The following EEPD1 variants were observed in gnomAD, a reference collection of about 807,000 sequenced individuals.
EEPD1 encodes the protein endonuclease/exonuclease/phosphatase family domain containing 1.
In EEPD1, 17 loss-of-function variants were observed where a neutral mutation model predicts 46.3. That is an observed-to-expected ratio of 0.37 (90% CI 0.25 to 0.55). The LOEUF is 0.55. Ranked by LOEUF, EEPD1 falls within the 20% of genes least tolerant of loss-of-function variation. The pLI is 0.83. For synonymous variants in EEPD1, 313 were observed against 315.6 expected (o/e 0.99, Z 0.09); for missense variants, 673 against 745.6 (o/e 0.90, Z 1.13).
At chr7:36,252,829 CTTTTTTTTTTTTTT>C (rs71553053) in intron 3 of EEPD1, among the ~76,000 whole-genome samples, 4 of 54,850 alleles carry the variant, frequency 7.3e-5, no homozygotes, top group African/African-American at 1.5e-4. Flanking sequence ...GTGTTCTCTC[CTTTTTTTTTTTTTT>C]TTTTTTTTTT....
At chr7:36,261,507 A>G (rs1786925117) in intron 3 of EEPD1, among the ~76,000 whole-genome samples, 1 of 152,234 alleles carries the variant, frequency 6.6e-6, no homozygotes, top group Admixed American at 6.5e-5. Flanking sequence ...CAGGAGTTAC[A>G]TGCAATTTCC....
chr7:36,254,369 A>G (rs1182013356), intron 3 of EEPD1, among the ~76,000 whole-genome samples: 1 of 152,120 alleles, frequency 6.6e-6, no homozygotes, highest in Non-Finnish European at 1.5e-5. Context: ...ACGAGTGAAA[A>G]CATGCAGTGT....
At chr7:36,191,246 A>AG (rs1407959135) in intron 2 of EEPD1, among the ~76,000 whole-genome samples, 1 of 152,208 alleles carries the variant, frequency 6.6e-6, no homozygotes, top group Non-Finnish European at 1.5e-5. Flanking sequence ...AAATGACAAG[A>AG]GGGAGTAAAT....
chr7:36,247,840 G>T (rs1030004635), intron 3 of EEPD1, among the ~76,000 whole-genome samples: 1 of 152,372 alleles, frequency 6.6e-6, no homozygotes, highest in East Asian at 1.9e-4. Flanking sequence ...CATAGGATCA[G>T]TCCTGGCCCA....
intron 3 of EEPD1, among the ~76,000 whole-genome samples, chr7:36,271,283 CT>C (rs757176552): frequency 6.6e-6 from 1 of 152,056 alleles, no homozygotes; most frequent in African/African-American, 2.4e-5. Context: ...TATTTCCTGA[CT>C]TTTTAATGAT....
At chr7:36,293,445 C>G (rs1211256280) in intron 6 of EEPD1, among the ~76,000 whole-genome samples, 2 of 152,194 alleles carry the variant, frequency 1.3e-5, no homozygotes, top group East Asian at 3.9e-4. Context: ...GACCAGGCCA[C>G]CGGAGATGCT....
intron 3 of EEPD1, among the ~76,000 whole-genome samples, chr7:36,257,281 A>G (rs1458729827): frequency 2.7e-5 from 4 of 150,058 alleles, no homozygotes; most frequent in African/African-American, 9.9e-5. Context: ...GCATTAGTGA[A>G]TCTGATGATT....
At chr7:36,178,109 G>A (rs554714483) in intron 2 of EEPD1, among the ~76,000 whole-genome samples, 1 of 152,296 alleles carries the variant, frequency 6.6e-6, no homozygotes, top group South Asian at 2.1e-4. Context: ...CTTCTTCCCT[G>A]GAAAATGGAG....
intron 2 of EEPD1, among the ~76,000 whole-genome samples, chr7:36,201,165 GT>G (rs1785706008): frequency 6.6e-6 from 1 of 152,174 alleles, no homozygotes. Flanking sequence ...ATATTCTGAA[GT>G]TATGGAAGAC....
Position 36,289,639 on chromosome 7 carries a change from C to T in EEPD1, c.1315+1862C>T, listed in dbSNP as rs1309237626. ...CCTCCCGAGTAGCTGGGACTATAGG[C>T]GCCCGCCACCGCGCCTGGCTAATTT... On this transcript the variant is annotated intron_variant, in intron 6 of 7. Transcript: ENST00000242108. 3.3e-5 allele frequency among the ~76,000 whole-genome samples: 5 copies of T among 152,210 alleles called. No individual in the cohort carries two copies. The South Asian group carries it at 6.2e-4, about 19-fold the overall frequency.
intron 2 of EEPD1, among the ~76,000 whole-genome samples, chr7:36,194,954 C>A (rs1785550786): frequency 6.6e-6 from 1 of 152,222 alleles, no homozygotes; most frequent in African/African-American, 2.4e-5. Flanking sequence ...AAATCTTTCT[C>A]TTTGCAACTG....
intron 3 of EEPD1, among the ~76,000 whole-genome samples, chr7:36,262,325 C>T (rs1452806995): frequency 6.6e-6 from 1 of 152,080 alleles, no homozygotes; most frequent in East Asian, 1.9e-4. Context: ...ATAGGATCTA[C>T]AGCAACCTCA....
At chr7:36,188,499 G>A (rs1785404877) in intron 2 of EEPD1, among the ~76,000 whole-genome samples, 1 of 152,188 alleles carries the variant, frequency 6.6e-6, no homozygotes, top group Non-Finnish European at 1.5e-5. Flanking sequence ...GAGGCAGCTG[G>A]CTGGAGCCAG....
At chr7:36,165,433 T>C (rs1784967138) in intron 2 of EEPD1, among the ~76,000 whole-genome samples, 1 of 131,110 alleles carries the variant, frequency 7.6e-6, no homozygotes, top group Non-Finnish European at 1.6e-5. Flanking sequence ...TTTTTTTTTT[T>C]TTTTTTGACA....
chr7:36,204,835 C>G (rs1562685787), intron 2 of EEPD1, among the ~76,000 whole-genome samples: 1 of 152,054 alleles, frequency 6.6e-6, no homozygotes, highest in African/African-American at 2.4e-5. Flanking sequence ...AAAAAAAGAG[C>G]CTTAGGATAG....
intron 2 of EEPD1, among the ~76,000 whole-genome samples, chr7:36,165,271 G>A (rs928230550): frequency 6.6e-6 from 1 of 152,110 alleles, no homozygotes. Flanking sequence ...AAATACCATA[G>A]TGTTGCAATT....
chr7:36,242,290 C>A (rs1349797785), intron 3 of EEPD1, among the ~76,000 whole-genome samples: 4 of 152,202 alleles, frequency 2.6e-5, no homozygotes, highest in Admixed American at 2.6e-4. Context: ...TATTCCTCTT[C>A]CCCCACCCTG....
chr7:36,275,241 T>G (rs1355292375), intron 3 of EEPD1, among the ~76,000 whole-genome samples: 1 of 152,182 alleles, frequency 6.6e-6, no homozygotes, highest in African/African-American at 2.4e-5. Context: ...ATTCAGAGTT[T>G]ACTTTAAAAT....
Position 36,298,965 on chromosome 7 carries a change from C to A in EEPD1, c.1511-42C>A, listed in dbSNP as rs370966145. 85 of 1,602,542 alleles carry A rather than the reference C, an allele frequency of 5.3e-5. No individual in the cohort carries two copies. The African/African-American group carries it at 1.0e-3, about 19-fold the overall frequency. On this transcript the variant is annotated intron_variant, in intron 7 of 7. Coordinates refer to ENST00000242108, the MANE Select transcript of EEPD1 (RefSeq NM_030636.3). ...AATCCAGGACCTCCCGCACCCAACC[C>A]CCCATCCTGATTCCCGGTCTCTTTC...
Sources: allele counts gnomAD v4.1 joint callset (sites outside exome capture counted in the v4.1 genomes callset), GRCh38; gene constraint gnomAD v4.1.1; transcripts MANE v1.5; gene names NCBI Gene and HGNC (gene_info 2026-07-23, HGNC 2026-07-21).